Variants in SLC22A24 observed in about 807,000 individuals in gnomAD.
SLC22A24 encodes the protein solute carrier family 22 member 24.
Under a neutral mutation model 49.8 loss-of-function variants are expected in SLC22A24, and 53 were observed. That is an observed-to-expected ratio of 1.06 (90% CI 0.85 to 1.34). The LOEUF (loss-of-function observed/expected upper bound fraction) is 1.34. Ranked by LOEUF, SLC22A24 falls within the 40% of genes most tolerant of loss-of-function variation. The pLI is 0.00. For synonymous variants in SLC22A24, 302 were observed against 256.4 expected, an observed-to-expected ratio of 1.18 and a Z score of -1.70; for missense variants, 786 against 675.9, an observed-to-expected ratio of 1.16 and a Z score of -1.81.
chr11:63,118,968 C>T lies in SLC22A24; in HGVS notation c.774G>A (p.Trp258Ter). The change falls in exon 4 of 10, where the codon TGG becomes TGA. Residue 258 changes from tryptophan (W) to a stop codon, truncating the protein, a stop_gained. Coordinates refer to ENST00000612278, the MANE Select transcript of SLC22A24 (RefSeq NM_001136506.2). LOFTEE classifies it high-confidence loss of function. The stretch of plus-strand genomic sequence containing the variant: ...TAGACACAGTCAGTTGCAATATGTG[C>T]CAGTCCTGAATGGCAAAAGCCAGCC... ...LGGLAFAIQD[W>*]HILQLTVSTP... The T allele has an allele frequency of 2.6e-6, 4 of 1,551,914 alleles. No homozygotes were observed. Among genetic ancestry groups the T allele is most frequent in the Non-Finnish European group, 3.5e-6 (4 of 1,147,018 alleles).
At chr11:63,092,318 C>T (rs1232910436) in intron 6 of SLC22A24, among the ~76,000 whole-genome samples, 3 of 150,762 alleles carry the variant, frequency 2.0e-5, no homozygotes, top group Non-Finnish European at 3.0e-5. Context: ...TGAAAATGAC[C>T]ATACTGCCCA....
At chr11:63,124,982 T>G (rs915170034) in intron 2 of SLC22A24, among the ~76,000 whole-genome samples, 5 of 151,718 alleles carry the variant, frequency 3.3e-5, no homozygotes, top group African/African-American at 1.2e-4. Flanking sequence ...AGGGATAGCA[T>G]TAGGAGATAT....
chr11:63,098,752 CA>C (rs1188454432), intron 5 of SLC22A24, among the ~76,000 whole-genome samples: 1 of 151,756 alleles, frequency 6.6e-6, no homozygotes, highest in African/African-American at 2.4e-5. Flanking sequence ...AAGGGCAAAC[CA>C]AACCCCCAAA....
At chr11:63,111,239 G>A (rs2087161667) in intron 4 of SLC22A24, among the ~76,000 whole-genome samples, 1 of 151,726 alleles carries the variant, frequency 6.6e-6, no homozygotes, top group Non-Finnish European at 1.5e-5. Flanking sequence ...TGTGCTGCTG[G>A]ATTCGGTTTG....
intron 4 of SLC22A24, among the ~76,000 whole-genome samples, chr11:63,112,702 T>C (rs1240119503): frequency 6.6e-6 from 1 of 152,104 alleles, no homozygotes; most frequent in Non-Finnish European, 1.5e-5. Flanking sequence ...TCAGTCTGCA[T>C]CTTTTAACTG....
chr11:63,124,281 T>C (rs1488022352), intron 2 of SLC22A24, among the ~76,000 whole-genome samples: 1 of 152,106 alleles, frequency 6.6e-6, no homozygotes, highest in Non-Finnish European at 1.5e-5. Context: ...TGGAATACTG[T>C]TGAGTGTCAT....
chr11:63,091,195 A>G (rs2087018478), intron 6 of SLC22A24, among the ~76,000 whole-genome samples: 1 of 152,200 alleles, frequency 6.6e-6, no homozygotes, highest in Non-Finnish European at 1.5e-5. Context: ...CCCTCCCAAG[A>G]TGAACTTAGG....
chr11:63,092,390 A>AC (rs1221492550), intron 6 of SLC22A24, among the ~76,000 whole-genome samples: 11 of 98,794 alleles, frequency 1.1e-4, no homozygotes, highest in African/African-American at 3.6e-4. Context: ...TTGTAGAATT[A>AC]GAAAAAACTA....
intron 2 of SLC22A24, among the ~76,000 whole-genome samples, chr11:63,129,104 G>A (rs533968691): frequency 1.3e-5 from 2 of 152,142 alleles, no homozygotes; most frequent in African/African-American, 2.4e-5. Flanking sequence ...CTTTTATGGT[G>A]TTAGGTCTTA....
intron 4 of SLC22A24, among the ~76,000 whole-genome samples, chr11:63,111,309 T>C (rs951140887): frequency 6.6e-6 from 1 of 152,120 alleles, no homozygotes; most frequent in African/African-American, 2.4e-5. Context: ...TCTAAAATTC[T>C]CTTTTTTTGT....
At chr11:63,127,056 G>A (rs2087296562) in intron 2 of SLC22A24, among the ~76,000 whole-genome samples, 2 of 152,042 alleles carry the variant, frequency 1.3e-5, no homozygotes, top group African/African-American at 4.8e-5. Context: ...GTATACACGT[G>A]CCATATTGGT....
intron 7 of SLC22A24, among the ~76,000 whole-genome samples, chr11:63,082,189 G>A (rs1365098213): frequency 6.6e-6 from 1 of 152,170 alleles, no homozygotes; most frequent in Non-Finnish European, 1.5e-5. Context: ...CTACCATATA[G>A]TAAGAAAAGG....
Position 63,089,997 on chromosome 11 carries a change from C to T in SLC22A24, c.1070+5994G>A, listed in dbSNP as rs535517837. Among the ~76,000 whole-genome samples the T allele has an allele frequency of 1.1e-4, 15 of 135,620 alleles. No homozygotes were observed. In the South Asian group the frequency reaches 2.5e-3, roughly 23 times the overall value. 89.0% of individuals were successfully genotyped at this position (135,620 alleles called of 152,430 possible). Reference sequence around the variant, plus strand: ...TCGGGAGGCTGAGGCAGGAGAATGGCGTGAACCCAGGAGGCAGAGCTTGCA... The same window carrying T: ...TCGGGAGGCTGAGGCAGGAGAATGGTGTGAACCCAGGAGGCAGAGCTTGCA... On this transcript the variant is annotated intron_variant, in intron 6 of 9. Transcript: ENST00000612278.
intron 6 of SLC22A24, among the ~76,000 whole-genome samples, chr11:63,095,499 A>T (rs779233974): frequency 2.6e-5 from 4 of 152,166 alleles, no homozygotes; most frequent in Non-Finnish European, 5.9e-5. Context: ...AGAACCAGCA[A>T]ATGTAATCTG....
chr11:63,091,031 C>T (rs571026744), intron 6 of SLC22A24, among the ~76,000 whole-genome samples: 8 of 151,956 alleles, frequency 5.3e-5, no homozygotes, highest in East Asian at 1.9e-4. Context: ...ATAGATGGAC[C>T]GCTAGCTAGA....
At chr11:63,114,174 C>T (rs897326448) in intron 4 of SLC22A24, among the ~76,000 whole-genome samples, 1 of 152,126 alleles carries the variant, frequency 6.6e-6, no homozygotes, top group South Asian at 2.1e-4. Flanking sequence ...AACTTGGTTC[C>T]ATTCTTTCCG....
chr11:63,134,653 G>C lies in SLC22A24; in HGVS notation c.506+12C>G. 6.9e-7 allele frequency: 1 copy of C among 1,440,990 alleles called. No homozygotes were observed. The highest frequency in any genetic ancestry group is 1.2e-5 in the South Asian group (1 of 81,218). The allele number at this position is 1,440,990 out of a possible 1,614,324, so 89.3% of individuals were successfully genotyped here. ...TGATAAACAGCCCCAAAGAAAGTGA[G>C]ATGACACTCACCTGTCTGAAAGATG... On this transcript the variant is annotated intron_variant, in intron 2 of 9. Coordinates refer to ENST00000612278, the MANE Select transcript of SLC22A24 (RefSeq NM_001136506.2).
chr11:63,140,060 T>G (rs564235072), intron 1 of SLC22A24, among the ~76,000 whole-genome samples: 1 of 133,762 alleles, frequency 7.5e-6, no homozygotes, highest in East Asian at 2.3e-4. Flanking sequence ...ATAGAGACAG[T>G]TTTTTTGTTT....
rs375421052 is a variant in SLC22A24, at chr11:63,108,980, A to G, written c.831-4682T>C. On this transcript the variant is annotated intron_variant, in intron 4 of 9. Transcript: ENST00000612278. ...CATCTAGCATTAGGTATATCTCCCAATGCTATCCCTCCCCCCTCCCCCCAC... is the reference window on the plus strand; with the variant it reads ...CATCTAGCATTAGGTATATCTCCCAGTGCTATCCCTCCCCCCTCCCCCCAC... 1.8e-3 allele frequency among the ~76,000 whole-genome samples: 226 copies of G among 127,346 alleles called. 4 individuals are homozygous for G. The East Asian group carries it at 0.047, about 27-fold the overall frequency. 83.5% of individuals were successfully genotyped at this position (127,346 alleles called of 152,430 possible). A position where few individuals can be genotyped will look rare whatever the true frequency, so the allele number is the denominator to read the frequency against.
Sources: allele counts gnomAD v4.1 joint callset (sites outside exome capture counted in the v4.1 genomes callset), GRCh38; gene constraint gnomAD v4.1.1; transcripts MANE v1.5; gene names NCBI Gene and HGNC (gene_info 2026-07-23, HGNC 2026-07-21).